GRID2: variants seen among roughly 807,000 people sequenced by gnomAD.
GRID2 encodes glutamate ionotropic receptor delta type subunit 2, also known as glutamate receptor ionotropic, delta-2.
In GRID2, 33 loss-of-function variants were observed where a neutral mutation model predicts 114.8. The ratio of observed to expected loss-of-function variants is 0.29; its 90% CI spans 0.22 to 0.38. The LOEUF (loss-of-function observed/expected upper bound fraction) is 0.38. GRID2 is among the 10% of genes least tolerant of loss of function. The probability of loss-of-function intolerance (pLI) is 1.00; values close to 1 mark genes in which losing one functional copy is unlikely to be tolerated. For missense variants in GRID2, 1,184 were observed against 1,257.7 expected (o/e 0.94, Z 0.89); for synonymous variants, 505 against 449.9 (o/e 1.12, Z -1.55).
At chr4:93,028,056 A>G (rs1159344091) in intron 2 of GRID2, among the ~76,000 whole-genome samples, 1 of 152,138 alleles carries the variant, frequency 6.6e-6, no homozygotes, top group Non-Finnish European at 1.5e-5. Context: ...CATACTTTCT[A>G]TTCAGTCTCT....
At chr4:92,700,705 A>G (rs1734631878) in intron 2 of GRID2, among the ~76,000 whole-genome samples, 1 of 152,140 alleles carries the variant, frequency 6.6e-6, no homozygotes, top group Non-Finnish European at 1.5e-5. Context: ...AAAAACATAC[A>G]TTTCAGGCTG....
At chr4:92,564,669 C>T (rs982965557) in intron 1 of GRID2, among the ~76,000 whole-genome samples, 4 of 151,898 alleles carry the variant, frequency 2.6e-5, no homozygotes, top group African/African-American at 7.2e-5. Flanking sequence ...TTCGGCAGTA[C>T]ATACACTAAA....
intron 2 of GRID2, among the ~76,000 whole-genome samples, chr4:92,804,886 C>T (rs1225050442): frequency 6.6e-6 from 1 of 151,954 alleles, no homozygotes; most frequent in Non-Finnish European, 1.5e-5. Context: ...ACTAGGTCAG[C>T]AGTTAGCATT....
intron 1 of GRID2, among the ~76,000 whole-genome samples, chr4:92,479,135 G>A (rs1485846698): frequency 2.0e-5 from 3 of 152,038 alleles, no homozygotes; most frequent in African/African-American, 7.2e-5. Flanking sequence ...ACAATGTAGT[G>A]ATTTCAGAAA....
chr4:92,981,296 A>C (rs1306149692), intron 2 of GRID2, among the ~76,000 whole-genome samples: 2 of 152,110 alleles, frequency 1.3e-5, no homozygotes, highest in Non-Finnish European at 2.9e-5. Context: ...CATTAAAATC[A>C]CTGCCAAAGT....
intron 11 of GRID2, among the ~76,000 whole-genome samples, chr4:93,482,074 T>A (rs532823987): frequency 6.6e-6 from 1 of 152,136 alleles, no homozygotes; most frequent in African/African-American, 2.4e-5. Context: ...TGAATACAAA[T>A]TAGTTCCATT....
chr4:93,177,509 C>T (rs982684326), intron 4 of GRID2, among the ~76,000 whole-genome samples: 9 of 152,066 alleles, frequency 5.9e-5, no homozygotes, highest in Admixed American at 6.6e-5. Flanking sequence ...TTTAAACCCA[C>T]GTATATCCGA....
At chr4:93,107,026 G>A (rs1162867686) in intron 3 of GRID2, among the ~76,000 whole-genome samples, 1 of 152,156 alleles carries the variant, frequency 6.6e-6, no homozygotes, top group Non-Finnish European at 1.5e-5. Flanking sequence ...TTTTCTGGGA[G>A]TGGTGGCTTA....
intron 2 of GRID2, among the ~76,000 whole-genome samples, chr4:92,682,432 A>G (rs190030353): frequency 2.5e-4 from 38 of 152,254 alleles, no homozygotes; most frequent in African/African-American, 9.1e-4. Flanking sequence ...TGTTTTTAAA[A>G]AGCCTTTGAT....
intron 2 of GRID2, among the ~76,000 whole-genome samples, chr4:93,048,368 C>T (rs191483539): frequency 1.5e-4 from 23 of 152,034 alleles, no homozygotes; most frequent in Middle Eastern, 3.4e-3. Context: ...GTTTTCCCTC[C>T]GTTTTTCAGT....
chr4:92,495,973 A>G (rs932829101), intron 1 of GRID2, among the ~76,000 whole-genome samples: 1 of 151,922 alleles, frequency 6.6e-6, no homozygotes, highest in Non-Finnish European at 1.5e-5. Flanking sequence ...TAAATAAGTT[A>G]TAGAGGCTTT....
rs376242556 is a variant in GRID2, at chr4:92,487,090, G to A, written c.89-103041G>A. 2.9e-4 allele frequency among the ~76,000 whole-genome samples: 44 copies of A among 151,790 alleles called. No individual in the cohort carries two copies. The East Asian group carries it at 6.4e-3, about 22-fold the overall frequency. ...TTTGTTATGATCTATCTGGTTACAGGTATACTATTTTTGCTGATCTTTCCA... is the reference window on the plus strand; with the variant it reads ...TTTGTTATGATCTATCTGGTTACAGATATACTATTTTTGCTGATCTTTCCA... On this transcript the variant is annotated intron_variant, in intron 1 of 15. Coordinates refer to ENST00000282020, the MANE Select transcript of GRID2 (RefSeq NM_001510.4).
chr4:93,652,947 G>A (rs1722717892), intron 14 of GRID2, among the ~76,000 whole-genome samples: 2 of 152,082 alleles, frequency 1.3e-5, no homozygotes, highest in Admixed American at 1.3e-4. Context: ...AAGGGCCTGA[G>A]ATGCCTGGCC....
At chr4:93,692,618 C>A (rs1007385698) in intron 14 of GRID2, among the ~76,000 whole-genome samples, 2 of 152,000 alleles carry the variant, frequency 1.3e-5, no homozygotes, top group African/African-American at 4.8e-5. Context: ...TCATTTAGGC[C>A]ATTGTGTAAA....
intron 4 of GRID2, among the ~76,000 whole-genome samples, chr4:93,188,418 G>A (rs1202137066): frequency 3.9e-5 from 6 of 152,202 alleles, no homozygotes; most frequent in Non-Finnish European, 8.8e-5. Flanking sequence ...AGAATGGGGA[G>A]AGCAGAGACT....
At position 93,286,467 on chromosome 4, in the gene GRID2, C is replaced by T. The variant is rs371592296; in HGVS notation, c.1245+47977C>T. On this transcript the variant is annotated intron_variant, in intron 8 of 15. Transcript: ENST00000282020. ...AGTTTTAAGAACTGCATACTCCTTC[C>T]AGGGTTCATATCACCCTTCCTCACC... Among the ~76,000 whole-genome samples the T allele has an allele frequency of 1.2e-3, 176 of 152,204 alleles. 3 individuals are homozygous for T. Among genetic ancestry groups the T allele is most frequent in the African/African-American group, 4.2e-3 (174 of 41,540 alleles).
At chr4:93,448,322 A>G (rs1431044656) in intron 10 of GRID2, among the ~76,000 whole-genome samples, 1 of 151,928 alleles carries the variant, frequency 6.6e-6, no homozygotes, top group Non-Finnish European at 1.5e-5. Flanking sequence ...AAATCTTTCT[A>G]GATAGTAAAA....
chr4:93,680,781 A>T (rs562464422), intron 14 of GRID2, among the ~76,000 whole-genome samples: 21 of 152,202 alleles, frequency 1.4e-4, no homozygotes, highest in African/African-American at 4.8e-4. Context: ...ACGTATCTCA[A>T]AATAATAAGA....
chr4:92,943,081 G>C (rs1751299297), intron 2 of GRID2, among the ~76,000 whole-genome samples: 1 of 152,094 alleles, frequency 6.6e-6, no homozygotes, highest in African/African-American at 2.4e-5. Flanking sequence ...TATCTTTGTG[G>C]TGTTCTCTGT....
Sources: gnomAD v4.1 joint callset for allele counts (sites outside exome capture counted in the v4.1 genomes callset) on GRCh38, gnomAD v4.1.1 for gene constraint, MANE v1.5 for transcripts, NCBI Gene and HGNC (gene_info 2026-07-23, HGNC 2026-07-21) for gene names.